CRACD: variants seen among roughly 807,000 people sequenced by gnomAD.
CRACD encodes the protein capping protein inhibiting regulator of actin dynamics.
Under a neutral mutation model 106.8 loss-of-function variants are expected in CRACD, and 56 were observed. The observed-to-expected ratio is 0.52, with a 90% CI of 0.42 to 0.66. The LOEUF is 0.66. Among genes scored for constraint, CRACD ranks in the 30% least tolerant of loss-of-function variants. The pLI, the probability that CRACD is intolerant of heterozygous loss-of-function variation, is 0.00. For synonymous variants in CRACD, 754 were observed against 670.8 expected (o/e 1.12, Z -1.92); for missense variants, 1,730 against 1,623.2 (o/e 1.07, Z -1.13).
rs539394749 is a variant in CRACD at position 56,231,173 on chromosome 4, A to T, written c.-188-41148A>T. ...ATGTTCTTGTACATCATGATATTTT[A>T]ACATAGTTTTGAAATACACACACAC... On this transcript the variant is annotated intron_variant, in intron 2 of 10. Coordinates refer to ENST00000682029, the MANE Select transcript of CRACD (RefSeq NM_001393381.1). Among the ~76,000 whole-genome samples the T allele has an allele frequency of 5.9e-5, 9 of 152,262 alleles. No individual in the cohort carries two copies. In the South Asian group the frequency reaches 1.7e-3, roughly 28 times the overall value.
intron 2 of CRACD, among the ~76,000 whole-genome samples, chr4:56,196,612 C>G (rs1204355655): frequency 6.6e-6 from 1 of 152,216 alleles, no homozygotes; most frequent in Non-Finnish European, 1.5e-5. Context: ...GCAGCTTAAA[C>G]AGATGCCATC....
chr4:56,298,753 C>A (rs1027956232), intron 4 of CRACD, among the ~76,000 whole-genome samples: 2 of 151,872 alleles, frequency 1.3e-5, no homozygotes, highest in South Asian at 4.2e-4. Context: ...GGCAACATGG[C>A]GAAACACTGT....
At chr4:56,318,096 G>A (rs945465608) in intron 8 of CRACD, among the ~76,000 whole-genome samples, 1 of 152,092 alleles carries the variant, frequency 6.6e-6, no homozygotes, top group Non-Finnish European at 1.5e-5. Context: ...TTTGTTTCCT[G>A]AGGAGTGTTG....
At chr4:56,324,932 C>A (rs1196436755) in intron 10 of CRACD, among the ~76,000 whole-genome samples, 1 of 151,472 alleles carries the variant, frequency 6.6e-6, no homozygotes, top group Non-Finnish European at 1.5e-5. Context: ...TCCAACTTAC[C>A]CTGATTGATC....
intron 1 of CRACD, among the ~76,000 whole-genome samples, chr4:56,096,178 G>C (rs1392349219): frequency 1.3e-5 from 2 of 152,142 alleles, no homozygotes; most frequent in African/African-American, 2.4e-5. Context: ...CTTAGGGAGA[G>C]ATCTGGGCTG....
At chr4:56,127,306 G>C (rs1734689683) in intron 1 of CRACD, among the ~76,000 whole-genome samples, 1 of 152,148 alleles carries the variant, frequency 6.6e-6, no homozygotes, top group African/African-American at 2.4e-5. Context: ...TGTTAAAGCA[G>C]CACAAACGGA....
At chr4:56,108,262 C>G (rs1235489804) in intron 1 of CRACD, among the ~76,000 whole-genome samples, 1 of 152,124 alleles carries the variant, frequency 6.6e-6, no homozygotes, top group Non-Finnish European at 1.5e-5. Context: ...AGCACCACCA[C>G]CGGTATAATC....
chr4:56,283,810 T>C (rs1458455170), intron 3 of CRACD, among the ~76,000 whole-genome samples: 1 of 152,222 alleles, frequency 6.6e-6, no homozygotes, highest in Admixed American at 6.5e-5. Context: ...ACAAAGTTTC[T>C]GTTGCCTACA....
intron 1 of CRACD, among the ~76,000 whole-genome samples, chr4:56,134,453 T>C (rs1443177556): frequency 6.6e-6 from 1 of 152,140 alleles, no homozygotes; most frequent in Admixed American, 6.6e-5. Flanking sequence ...GTCTACACCA[T>C]TGGAGGCAGA....
chr4:56,057,420 T>G (rs1057399355), intron 1 of CRACD, among the ~76,000 whole-genome samples: 2 of 152,184 alleles, frequency 1.3e-5, no homozygotes, highest in Non-Finnish European at 2.9e-5. Context: ...CAGTTGTGTG[T>G]GTACACACAT....
At chr4:56,100,446 C>A (rs1252194831) in intron 1 of CRACD, among the ~76,000 whole-genome samples, 2 of 152,182 alleles carry the variant, frequency 1.3e-5, no homozygotes, top group Non-Finnish European at 2.9e-5. Flanking sequence ...ATTAGAGTAA[C>A]TTTACTGCCT....
chr4:56,181,996 A>G (rs546456802), intron 2 of CRACD, among the ~76,000 whole-genome samples: 1 of 152,280 alleles, frequency 6.6e-6, no homozygotes, highest in African/African-American at 2.4e-5. Flanking sequence ...CTTAAATAAT[A>G]AGTAATAGAT....
intron 2 of CRACD, among the ~76,000 whole-genome samples, chr4:56,268,892 C>T (rs1029749663): frequency 2.0e-5 from 3 of 152,000 alleles, no homozygotes; most frequent in Non-Finnish European, 4.4e-5. Flanking sequence ...TTGATAAGAA[C>T]CTAAAGTAGG....
In CRACD at chr4:56,314,410, C is replaced by CGGAGCGGAGGGAGCCGAG; in HGVS notation, c.922_923insCGAGGGAGCGGAGGGAGC (p.Glu307_Arg308insProArgGluArgArgGlu). On this transcript the variant is annotated inframe_insertion, in exon 8 of 11. Transcript: ENST00000682029. This position sits in a 1 kb window ranked among gnomAD's most constrained non-coding sequence, Gnocchi z 4.4. ...CTGGAAGCGCCAGGTTGGGAGGACG[C>CGGAGCGGAGGGAGCCGAG]GGAGCGGAGGGAGCGTGAGGAGCGC... The CGGAGCGGAGGGAGCCGAG allele has an allele frequency of 3.2e-6, 5 of 1,540,992 alleles. No homozygotes were observed. The highest frequency in any genetic ancestry group is 8.7e-7 in the Non-Finnish European group (1 of 1,143,526).
At chr4:56,300,763 T>A (rs1419335266) in intron 4 of CRACD, among the ~76,000 whole-genome samples, 1 of 152,212 alleles carries the variant, frequency 6.6e-6, no homozygotes, top group East Asian at 1.9e-4. Flanking sequence ...CACATGCCAC[T>A]GCCACGCCAA....
At chr4:56,255,915 C>T (rs1741327893) in intron 2 of CRACD, among the ~76,000 whole-genome samples, 1 of 152,232 alleles carries the variant, frequency 6.6e-6, no homozygotes, top group Non-Finnish European at 1.5e-5. Flanking sequence ...TGTTCTGCAA[C>T]AGGTCCAGAC....
intron 2 of CRACD, among the ~76,000 whole-genome samples, chr4:56,264,459 ATATGCCATAG>A (rs1202710748): frequency 1.1e-5 from 1 of 87,388 alleles, no homozygotes; most frequent in African/African-American, 3.9e-5. Context: ...CATATGCCAC[ATATGCCATAG>A]CCTATGTACC....
intron 2 of CRACD, among the ~76,000 whole-genome samples, chr4:56,197,220 A>G (rs2109466438): frequency 6.6e-6 from 1 of 152,124 alleles, no homozygotes; most frequent in African/African-American, 2.4e-5. Flanking sequence ...AGTAACTTAC[A>G]GGGAAACTGT....
chr4:56,151,491 A>G (rs927331756), intron 1 of CRACD, among the ~76,000 whole-genome samples: 1 of 152,144 alleles, frequency 6.6e-6, no homozygotes, highest in African/African-American at 2.4e-5. Flanking sequence ...GTTGCCAACT[A>G]GATACTTTAA....
Sources: allele counts gnomAD v4.1 joint callset (sites outside exome capture counted in the v4.1 genomes callset), GRCh38; gene constraint gnomAD v4.1.1; non-coding constraint Gnocchi (gnomAD v3.1); transcripts MANE v1.5; gene names NCBI Gene and HGNC (gene_info 2026-07-23, HGNC 2026-07-21).